RERG: variants seen among roughly 807,000 people sequenced by gnomAD.
RERG encodes RAS like estrogen regulated growth inhibitor, also known as ras-related and estrogen-regulated growth inhibitor.
RERG carries 25 observed loss-of-function variants against 23.2 expected under a neutral mutation model. That is an observed-to-expected ratio of 1.08 (90% CI 0.79 to 1.50). The LOEUF (loss-of-function observed/expected upper bound fraction) is 1.50, where lower values mean the gene tolerates loss of function less well. Ranked by LOEUF, RERG falls within the 40% of genes most tolerant of loss-of-function variation. RERG has a pLI of 0.00. For missense variants in RERG, 253 were observed against 250.1 expected (o/e 1.01, Z -0.08); for synonymous variants, 81 against 89.1 (o/e 0.91, Z 0.51).
At chr12:15,140,725 C>T (rs1424278507) in intron 2 of RERG, among the ~76,000 whole-genome samples, 2 of 152,014 alleles carry the variant, frequency 1.3e-5, no homozygotes, top group South Asian at 2.1e-4. Flanking sequence ...AAATATTTCG[C>T]TCCACTCTCT....
Position 15,108,615 on chromosome 12 carries a change from A to T in RERG, c.*495T>A, listed in dbSNP as rs1269072920. On this transcript the variant is annotated 3_prime_UTR_variant, in exon 5 of 5. Coordinates refer to ENST00000256953, the MANE Select transcript of RERG (RefSeq NM_032918.3). ...TAAAATTTTAAAGAAAACCTAGATG[A>T]TATTAGATAATTCAGAAAATCCTCA... 1 of 152,680 alleles carries T rather than the reference A, an allele frequency of 6.5e-6. No individual in the cohort carries two copies. Among genetic ancestry groups the T allele is most frequent in the African/African-American group, 2.4e-5 (1 of 41,458 alleles). The allele number at this position is 152,680 out of a possible 1,614,324, so 9.5% of individuals were successfully genotyped here. A position where few individuals can be genotyped will look rare whatever the true frequency, so the allele number is the denominator to read the frequency against.
At chr12:15,215,384 C>T (rs1282528834) in intron 2 of RERG, among the ~76,000 whole-genome samples, 3 of 152,114 alleles carry the variant, frequency 2.0e-5, no homozygotes, top group African/African-American at 7.2e-5. Context: ...CCCATGAAAA[C>T]AGCTAGTTAG....
intron 2 of RERG, among the ~76,000 whole-genome samples, chr12:15,156,001 AAT>A (rs539173302): frequency 0.14 from 15,410 of 107,578 alleles, 1,073 homozygotes; most frequent in Middle Eastern, 0.25. Flanking sequence ...ATAATAAAAA[AAT>A]ATATATATAT....
chr12:15,201,188 T>C (rs1049728308), intron 2 of RERG, among the ~76,000 whole-genome samples: 20 of 151,882 alleles, frequency 1.3e-4, no homozygotes, highest in Non-Finnish European at 1.6e-4. Context: ...TACTGATTAA[T>C]CTAAATGAGT....
intron 2 of RERG, among the ~76,000 whole-genome samples, chr12:15,132,810 T>C (rs569351352): frequency 1.3e-5 from 2 of 152,268 alleles, no homozygotes; most frequent in Admixed American, 6.5e-5. Flanking sequence ...ATATTGGGAA[T>C]ATTTTCATGT....
rs1041453085 is a variant in RERG at position 15,192,873 on chromosome 12, T to C, written c.61+24556A>G. The stretch of plus-strand genomic sequence containing the variant: ...TAACCCATAATGAGGATAAGCATTA[T>C]TGGAAAGAATGCCAGAGAAGTGACG... On this transcript the variant is annotated intron_variant, in intron 2 of 4. Transcript: ENST00000256953. Among the ~76,000 whole-genome samples, 3 of 152,298 alleles carry C rather than the reference T, an allele frequency of 2.0e-5. No individual in the cohort carries two copies. The East Asian group carries it at 5.8e-4, about 29-fold the overall frequency.
At chr12:15,127,915 A>C (rs1297644129) in intron 2 of RERG, among the ~76,000 whole-genome samples, 1 of 152,192 alleles carries the variant, frequency 6.6e-6, no homozygotes, top group Non-Finnish European at 1.5e-5. Context: ...GTAGAAATTA[A>C]TGTTCCCACT....
chr12:15,121,171 C>T, intron 2 of RERG, 52 bp from the exon 3 acceptor site: 2 of 1,399,398 alleles, frequency 1.4e-6, no homozygotes, highest in East Asian at 4.7e-5. Flanking sequence ...ATTTGCTTAG[C>T]ACACCTATCT....
At chr12:15,174,837 C>G (rs993714604) in intron 2 of RERG, among the ~76,000 whole-genome samples, 2 of 151,756 alleles carry the variant, frequency 1.3e-5, no homozygotes, top group Non-Finnish European at 2.9e-5. Flanking sequence ...TATTGATATT[C>G]TCTATTTGGT....
chr12:15,109,385 T>A lies in RERG; in HGVS notation c.325A>T (p.Lys109Ter). 1 of 1,614,080 alleles carries A rather than the reference T, an allele frequency of 6.2e-7. No individual in the cohort carries two copies. Among genetic ancestry groups the A allele is most frequent in the Non-Finnish European group, 8.5e-7 (1 of 1,180,008 alleles). The change falls in exon 5 of 5, where the codon AAG becomes TAG. Residue 109 changes from lysine (K) to a stop codon, truncating the protein, a stop_gained. Coordinates refer to ENST00000256953, the MANE Select transcript of RERG (RefSeq NM_032918.3). LOFTEE classifies it high-confidence loss of function. ...CCAACCAAGATGAGAGTCACATTCT[T>A]GGGCTTTTTGATCTCATCTAGGATG... ...KNILDEIKKP[K>*]NVTLILVGNK...
intron 2 of RERG, among the ~76,000 whole-genome samples, chr12:15,150,819 G>A (rs558507278): frequency 2.0e-5 from 3 of 152,194 alleles, no homozygotes; most frequent in African/African-American, 7.2e-5. Flanking sequence ...AGATGTGGGA[G>A]GTTATAGGGA....
intron 2 of RERG, among the ~76,000 whole-genome samples, chr12:15,175,481 A>G (rs1864837889): frequency 6.6e-6 from 1 of 151,538 alleles, no homozygotes; most frequent in African/African-American, 2.4e-5. Flanking sequence ...TCAGCCAAAG[A>G]CTAGAGACTG....
chr12:15,153,081 G>C (rs1010735696), intron 2 of RERG, among the ~76,000 whole-genome samples: 1 of 152,112 alleles, frequency 6.6e-6, no homozygotes, highest in African/African-American at 2.4e-5. Flanking sequence ...ACTTAGCAGA[G>C]AGATTAAGAA....
chr12:15,169,410 A>G (rs1292995793), intron 2 of RERG, among the ~76,000 whole-genome samples: 1 of 152,226 alleles, frequency 6.6e-6, no homozygotes, highest in Non-Finnish European at 1.5e-5. Flanking sequence ...GGCCCGGACC[A>G]GAAGCCAAGA....
intron 2 of RERG, among the ~76,000 whole-genome samples, chr12:15,196,558 A>ACAGTCTTGG (rs1865147297): frequency 6.6e-6 from 1 of 152,160 alleles, no homozygotes; most frequent in Non-Finnish European, 1.5e-5. Flanking sequence ...CCAAGACTGT[A>ACAGTCTTGG]GACCTTGCAC....
At chr12:15,131,764 TGTCC>T (rs939263763) in intron 2 of RERG, among the ~76,000 whole-genome samples, 1 of 152,214 alleles carries the variant, frequency 6.6e-6, no homozygotes, top group Non-Finnish European at 1.5e-5. Context: ...TCTGGTTTCC[TGTCC>T]ATATGGACAC....
chr12:15,169,920 ATGTG>A (rs61079713), intron 2 of RERG, among the ~76,000 whole-genome samples: 14,740 of 137,502 alleles, frequency 0.11, 842 homozygotes, highest in East Asian at 0.18. Context: ...TCTGCTAAAA[ATGTG>A]TGTGTGTGTG....
intron 2 of RERG, among the ~76,000 whole-genome samples, chr12:15,159,959 C>T (rs1864580571): frequency 6.6e-6 from 1 of 152,016 alleles, no homozygotes; most frequent in African/African-American, 2.4e-5. Context: ...TTTTGATATT[C>T]CATAGTTGAT....
At chr12:15,146,518 T>C (rs1864335648) in intron 2 of RERG, among the ~76,000 whole-genome samples, 1 of 152,222 alleles carries the variant, frequency 6.6e-6, no homozygotes. Context: ...TATTCCCTTT[T>C]CACAGATGAG....
Sources: allele counts gnomAD v4.1 joint callset (sites outside exome capture counted in the v4.1 genomes callset), GRCh38; gene constraint gnomAD v4.1.1; transcripts MANE v1.5; gene names NCBI Gene and HGNC (gene_info 2026-07-23, HGNC 2026-07-21).